Variants in NSMCE1 observed in about 807,000 individuals in gnomAD.
The protein encoded by NSMCE1 is non-structural maintenance of chromosomes element 1 homolog.
Under a neutral mutation model 29.6 loss-of-function variants are expected in NSMCE1, and 18 were observed. The observed-to-expected ratio is 0.61, with a 90% CI of 0.42 to 0.90. The LOEUF (loss-of-function observed/expected upper bound fraction) is 0.90, where lower values mean the gene tolerates loss of function less well. Among genes scored for constraint, NSMCE1 ranks in the 40% least tolerant of loss-of-function variants. NSMCE1 has a pLI of 0.00. For missense variants in NSMCE1, 314 were observed against 343.6 expected (o/e 0.91, Z 0.68); for synonymous variants, 124 against 133.4 (o/e 0.93, Z 0.49).
At chr16:27,254,664 C>T (rs1474294437) in intron 2 of NSMCE1, among the ~76,000 whole-genome samples, 1 of 152,162 alleles carries the variant, frequency 6.6e-6, no homozygotes, top group Non-Finnish European at 1.5e-5. Flanking sequence ...CAGCTCACTG[C>T]AACCCCCACC....
rs2083686168 is a variant in NSMCE1, at chr16:27,225,943, A to G, written c.601-97T>C. On this transcript the variant is annotated intron_variant, in intron 6 of 7. Transcript: ENST00000361439. ...ACAAGGGAAATGGGCAGCAGGTGGC[A>G]TCGTGTTATCTTCTGGGCCCCAGAT... 2.8e-6 allele frequency: 4 copies of G among 1,421,350 alleles called. No homozygotes were observed. In the East Asian group the frequency reaches 9.2e-5, roughly 33 times the overall value. The allele number at this position is 1,421,350 out of a possible 1,614,324, so 88.0% of individuals were successfully genotyped here. A position where few individuals can be genotyped will look rare whatever the true frequency, so the allele number is the denominator to read the frequency against.
At chr16:27,231,030 G>A (rs1197171388) in intron 5 of NSMCE1, among the ~76,000 whole-genome samples, 1 of 152,242 alleles carries the variant, frequency 6.6e-6, no homozygotes, top group Non-Finnish European at 1.5e-5. Context: ...CATGTGCTAG[G>A]CATGGTGCTC....
At chr16:27,248,278 C>T (rs1396921773) in intron 2 of NSMCE1, among the ~76,000 whole-genome samples, 1 of 152,160 alleles carries the variant, frequency 6.6e-6, no homozygotes, top group East Asian at 1.9e-4. Context: ...TCCCATTTTA[C>T]ATTCCCAACA....
chr16:27,252,540 T>G (rs2141005651), intron 2 of NSMCE1, among the ~76,000 whole-genome samples: 1 of 152,320 alleles, frequency 6.6e-6, no homozygotes, highest in South Asian at 2.1e-4. Context: ...CCCAACATTT[T>G]GGAAGGCTGA....
chr16:27,267,125 A>AGG (rs2084234548), intron 1 of NSMCE1, among the ~76,000 whole-genome samples: 2 of 152,240 alleles, frequency 1.3e-5, no homozygotes, highest in African/African-American at 4.8e-5. Context: ...ACCTTTTCGA[A>AGG]GGCTTTTGAA....
chr16:27,246,962 T>C (rs2083964657), intron 2 of NSMCE1, among the ~76,000 whole-genome samples: 1 of 146,986 alleles, frequency 6.8e-6, no homozygotes, highest in South Asian at 2.1e-4. Context: ...ATCTGCAAAG[T>C]TAAAACTCCT....
rs776790738 is a variant in NSMCE1, at chr16:27,235,167, C to T, written c.258+11G>A. ...CAAAAATGCCACTAGAGGGCTCTGC[C>T]GGGCACTCACCAACGCATAAATGGG... is the stretch of plus-strand genomic sequence containing the variant. On this transcript the variant is annotated intron_variant, in intron 3 of 7. Coordinates refer to ENST00000361439, the MANE Select transcript of NSMCE1 (RefSeq NM_145080.4). 21 of 1,612,996 alleles carry T rather than the reference C, an allele frequency of 1.3e-5. No individual in the cohort carries two copies. The highest frequency in any genetic ancestry group is 4.0e-5 in the African/African-American group (3 of 74,858).
intron 6 of NSMCE1, 27 bp from the exon 7 acceptor site, chr16:27,225,873 G>C (rs764806437): frequency 6.2e-7 from 1 of 1,612,448 alleles, no homozygotes; most frequent in African/African-American, 1.3e-5. Flanking sequence ...CAATGACGGC[G>C]GAGCTGGTGC....
At chr16:27,267,751 G>A (rs1335041627) in intron 1 of NSMCE1, among the ~76,000 whole-genome samples, 1 of 149,416 alleles carries the variant, frequency 6.7e-6, no homozygotes, top group Non-Finnish European at 1.5e-5. Flanking sequence ...TTTTTGAGAC[G>A]GAGTTTCGCT....
chr16:27,244,074 G>A (rs534939476), intron 2 of NSMCE1, among the ~76,000 whole-genome samples: 1 of 152,318 alleles, frequency 6.6e-6, no homozygotes, highest in Admixed American at 6.5e-5. Context: ...GCCCTGGCCA[G>A]CAGCCTCCAC....
chr16:27,248,496 C>T (rs1198353016), intron 2 of NSMCE1, among the ~76,000 whole-genome samples: 6 of 149,946 alleles, frequency 4.0e-5, no homozygotes, highest in East Asian at 3.9e-4. Flanking sequence ...CTGCAACCTC[C>T]GCCTCCCGGG....
intron 2 of NSMCE1, among the ~76,000 whole-genome samples, chr16:27,249,488 A>G (rs1406213418): frequency 1.3e-5 from 2 of 152,170 alleles, no homozygotes; most frequent in Non-Finnish European, 2.9e-5. Context: ...TCATTTTTTG[A>G]TTATGGATAT....
At chr16:27,250,164 T>G (rs571104153) in intron 2 of NSMCE1, among the ~76,000 whole-genome samples, 10 of 152,262 alleles carry the variant, frequency 6.6e-5, no homozygotes, top group Non-Finnish European at 1.2e-4. Context: ...TTTTGTAGAT[T>G]CCATCAGATT....
intron 1 of NSMCE1, among the ~76,000 whole-genome samples, chr16:27,267,021 G>A (rs946386387): frequency 3.9e-5 from 6 of 151,946 alleles, no homozygotes; most frequent in Non-Finnish European, 7.4e-5. Flanking sequence ...GCCAATTTAA[G>A]GCAGAATTAT....
At chr16:27,231,057 G>A (rs1172908944) in intron 5 of NSMCE1, among the ~76,000 whole-genome samples, 1 of 152,270 alleles carries the variant, frequency 6.6e-6, no homozygotes, top group African/African-American at 2.4e-5. Flanking sequence ...GCAAAGCAGG[G>A]TGCAAAGTGT....
chr16:27,237,310 C>T (rs757522633), intron 2 of NSMCE1, among the ~76,000 whole-genome samples: 3 of 152,192 alleles, frequency 2.0e-5, no homozygotes, highest in African/African-American at 7.2e-5. Context: ...CCCCTGCTCA[C>T]GGGCCCCTCC....
intron 2 of NSMCE1, among the ~76,000 whole-genome samples, chr16:27,250,784 A>G (rs527724327): frequency 1.0e-4 from 15 of 146,756 alleles, no homozygotes; most frequent in African/African-American, 3.5e-4. Context: ...CTTTTTTGAG[A>G]CTCTCTCTCA....
At chr16:27,253,759 G>A (rs892151166) in intron 2 of NSMCE1, among the ~76,000 whole-genome samples, 1 of 152,148 alleles carries the variant, frequency 6.6e-6, no homozygotes, top group Non-Finnish European at 1.5e-5. Flanking sequence ...GAGATTCTAG[G>A]GAAGCTTTGC....
At chr16:27,241,786 C>T (rs1023340210) in intron 2 of NSMCE1, 5 of 444,716 alleles carry the variant, frequency 1.1e-5, no homozygotes, top group South Asian at 7.9e-5. Context: ...CACGCTGCAG[C>T]GCCGCTCCTC....
Sources: allele counts gnomAD v4.1 joint callset (sites outside exome capture counted in the v4.1 genomes callset), GRCh38; gene constraint gnomAD v4.1.1; transcripts MANE v1.5; gene names NCBI Gene and HGNC (gene_info 2026-07-23, HGNC 2026-07-21).